Variants in GRIN2A observed in about 807,000 individuals in gnomAD.
The protein encoded by GRIN2A is glutamate receptor ionotropic, NMDA 2A.
Under a neutral mutation model 113.4 loss-of-function variants are expected in GRIN2A, and 22 were observed. That is an observed-to-expected ratio of 0.19 (90% CI 0.14 to 0.28). The LOEUF is 0.28. GRIN2A is among the 10% of genes least tolerant of loss of function. The pLI is 1.00. For synonymous variants in GRIN2A, 827 were observed against 738.4 expected, an observed-to-expected ratio of 1.12 and a Z score of -1.94; for missense variants, 1,502 against 1,887.0, an observed-to-expected ratio of 0.80 and a Z score of 3.78.
At chr16:9,793,273 T>C (rs1045795607) in intron 11 of GRIN2A, among the ~76,000 whole-genome samples, 2 of 152,204 alleles carry the variant, frequency 1.3e-5, no homozygotes, top group African/African-American at 4.8e-5. Flanking sequence ...GCATCACTTG[T>C]GACTGAATAA....
intron 2 of GRIN2A, among the ~76,000 whole-genome samples, chr16:10,117,364 C>T (rs1479780998): frequency 1.3e-5 from 2 of 152,106 alleles, no homozygotes; most frequent in African/African-American, 4.8e-5. Context: ...GGAATTTGCT[C>T]CAAAATAATC....
rs1900809803 is a variant in GRIN2A, at chr16:9,764,780, C to T, written c.2764G>A (p.Ala922Thr). ...AGGGAACCTCTTTGGATGAAGTCAG[C>T]AGCTCTTTTGGGTGAGTCCATTCTT... ...SSRMDSPKRA[A>T]DFIQRGSLIM... The change falls in exon 13 of 13, where the codon GCT becomes ACT. Residue 922 changes from alanine to threonine, a missense_variant. This residue lies in a region of GRIN2A where 832 missense variants were observed against 789.7 expected (regional missense o/e 1.05). Coordinates refer to ENST00000330684, the MANE Select transcript of GRIN2A (RefSeq NM_001134407.3). 1.2e-6 allele frequency: 2 copies of T among 1,614,096 alleles called. No homozygotes were observed. The highest frequency in any genetic ancestry group is 1.7e-5 in the Admixed American group (1 of 60,010).
At chr16:10,037,718 T>G (rs1443489329) in intron 2 of GRIN2A, among the ~76,000 whole-genome samples, 1 of 152,142 alleles carries the variant, frequency 6.6e-6, no homozygotes, top group Non-Finnish European at 1.5e-5. Flanking sequence ...CTCTACCTCC[T>G]GGACTCAGGT....
chr16:10,179,547 G>T, intron 2 of GRIN2A: 2 of 187,526 alleles, frequency 1.1e-5, no homozygotes, highest in Non-Finnish European at 2.2e-5. Context: ...TTTAGAAATA[G>T]TTTTAGTCAC....
At chr16:10,072,254 C>A (rs2047767882) in intron 2 of GRIN2A, among the ~76,000 whole-genome samples, 1 of 152,168 alleles carries the variant, frequency 6.6e-6, no homozygotes, top group Non-Finnish European at 1.5e-5. Flanking sequence ...ACATTCCATC[C>A]CTTGCAATTC....
At chr16:10,130,516 C>G (rs1191520329) in intron 2 of GRIN2A, among the ~76,000 whole-genome samples, 1 of 152,200 alleles carries the variant, frequency 6.6e-6, no homozygotes, top group Non-Finnish European at 1.5e-5. Flanking sequence ...GCTCCGGACA[C>G]AGACCCATCT....
At chr16:9,937,422 C>T (rs999568794) in intron 3 of GRIN2A, among the ~76,000 whole-genome samples, 16 of 152,120 alleles carry the variant, frequency 1.1e-4, no homozygotes, top group East Asian at 7.7e-4. Context: ...TTCTCCATGA[C>T]GTGCTTATTT....
At chr16:9,909,056 AAG>A (rs1395826099) in intron 3 of GRIN2A, among the ~76,000 whole-genome samples, 1 of 152,150 alleles carries the variant, frequency 6.6e-6, no homozygotes, top group East Asian at 1.9e-4. Flanking sequence ...TGGGAAGAAA[AAG>A]AGGTTTAATG....
At chr16:9,830,583 T>C (rs2042474049) in intron 8 of GRIN2A, among the ~76,000 whole-genome samples, 2 of 151,720 alleles carry the variant, frequency 1.3e-5, no homozygotes, top group African/African-American at 2.4e-5. Context: ...AATGAAGATA[T>C]GAAAAAATGA....
At chr16:9,782,942 C>A (rs1902015759) in intron 11 of GRIN2A, among the ~76,000 whole-genome samples, 1 of 152,136 alleles carries the variant, frequency 6.6e-6, no homozygotes, top group South Asian at 2.1e-4. Flanking sequence ...AATGGAGAAG[C>A]AGTTAAGTCC....
rs1323264307 is a variant in GRIN2A at position 9,887,732 on chromosome 16, G to T, written c.1122+3254C>A. Among the ~76,000 whole-genome samples, 3 of 152,152 alleles carry T rather than the reference G, an allele frequency of 2.0e-5. No individual in the cohort carries two copies. In the South Asian group the frequency reaches 6.2e-4, roughly 32 times the overall value. The stretch of plus-strand genomic sequence containing the variant: ...CTGGATAAGATTTGTGTGTGTATGT[G>T]TACGTTTATTAAAAAACAAACAAAA... On this transcript the variant is annotated intron_variant, in intron 4 of 12. Transcript: ENST00000330684.
At chr16:9,813,519 G>T (rs9302390) in intron 10 of GRIN2A, among the ~76,000 whole-genome samples, 2 of 106,828 alleles carry the variant, frequency 1.9e-5, no homozygotes, top group African/African-American at 2.9e-5. Flanking sequence ...TGTTTTTTTT[G>T]CCTTTTTTTT....
chr16:9,970,316 G>A (rs1596374373), intron 2 of GRIN2A, among the ~76,000 whole-genome samples: 1 of 152,172 alleles, frequency 6.6e-6, no homozygotes, highest in Non-Finnish European at 1.5e-5. Flanking sequence ...CCTGGAGCTT[G>A]GAGATTATTT....
chr16:10,089,512 G>C (rs531344562), intron 2 of GRIN2A, among the ~76,000 whole-genome samples: 1 of 152,202 alleles, frequency 6.6e-6, no homozygotes, highest in East Asian at 1.9e-4. Context: ...TTATGGTTTA[G>C]GAACGATTTT....
chr16:9,951,415 A>G (rs1367924495), intron 2 of GRIN2A, among the ~76,000 whole-genome samples: 1 of 152,200 alleles, frequency 6.6e-6, no homozygotes, highest in Non-Finnish European at 1.5e-5. Context: ...CCTTTAACAG[A>G]GCAACGCTAA....
intron 2 of GRIN2A, among the ~76,000 whole-genome samples, chr16:10,080,878 C>T (rs1349646553): frequency 6.6e-6 from 1 of 152,148 alleles, no homozygotes. Context: ...ACATCTCCAC[C>T]CTCCAAGCTC....
At position 9,946,666 on chromosome 16, in the gene GRIN2A, G is replaced by A. The variant is rs1453680363; in HGVS notation, c.415-8115C>T. 1.3e-5 allele frequency among the ~76,000 whole-genome samples: 2 copies of A among 152,070 alleles called. 1 individual carries two copies. The highest frequency in any genetic ancestry group is 1.3e-4 in the Admixed American group (2 of 15,282). ...CCATAGTGCCAGTAATTAATTCGGG[G>A]GTGGAACATTTCCTAATCTGATCTA... On this transcript the variant is annotated intron_variant, in intron 2 of 12. Coordinates refer to ENST00000330684, the MANE Select transcript of GRIN2A (RefSeq NM_001134407.3).
intron 2 of GRIN2A, among the ~76,000 whole-genome samples, chr16:10,167,611 A>G (rs559483118): frequency 6.6e-6 from 1 of 152,292 alleles, no homozygotes; most frequent in Non-Finnish European, 1.5e-5. Context: ...AGCCACCTCC[A>G]TGGAAGGGAA....
chr16:9,895,893 G>A (rs753104217), intron 3 of GRIN2A, among the ~76,000 whole-genome samples: 71 of 152,194 alleles, frequency 4.7e-4, no homozygotes, highest in Admixed American at 2.4e-3. Flanking sequence ...TGGGAAAACT[G>A]AAAAATTTAG....
Sources: gnomAD v4.1 joint callset for allele counts (sites outside exome capture counted in the v4.1 genomes callset) on GRCh38, gnomAD v4.1.1 for gene constraint, gnomAD v4.1.1 regional missense constraint, MANE v1.5 for transcripts, NCBI Gene and HGNC (gene_info 2026-07-23, HGNC 2026-07-21) for gene names.